Variants in SPPL3 observed in about 807,000 individuals in gnomAD.
SPPL3 encodes signal peptide peptidase like 3, also known as signal peptide peptidase-like 3.
In SPPL3, 5 loss-of-function variants were observed where a neutral mutation model predicts 42.4. The observed-to-expected ratio is 0.12, with a 90% CI of 0.06 to 0.25. The LOEUF (loss-of-function observed/expected upper bound fraction) is 0.25. SPPL3 is among the 10% of genes least tolerant of loss of function. SPPL3 has a pLI of 1.00. For synonymous variants in SPPL3, 195 were observed against 181.8 expected (o/e 1.07, Z -0.58); for missense variants, 235 against 489.0 (o/e 0.48, Z 4.90).
intron 10 of SPPL3, among the ~76,000 whole-genome samples, chr12:120,765,370 C>T (rs546967493): frequency 2.0e-5 from 3 of 152,096 alleles, no homozygotes; most frequent in East Asian, 3.9e-4. Flanking sequence ...TCACTGCAAC[C>T]TCCGACTCCT....
intron 1 of SPPL3, among the ~76,000 whole-genome samples, chr12:120,888,063 A>G (rs1195015662): frequency 6.6e-6 from 1 of 152,210 alleles, no homozygotes; most frequent in Admixed American, 6.5e-5. Flanking sequence ...ACAAATGTTC[A>G]TCGCATAACT....
At chr12:120,897,088 A>G (rs988716620) in intron 1 of SPPL3, among the ~76,000 whole-genome samples, 10 of 152,206 alleles carry the variant, frequency 6.6e-5, no homozygotes, top group Non-Finnish European at 1.0e-4. Context: ...ATGAGAACTA[A>G]TTTATTAATG....
chr12:120,879,144 T>C (rs1198114735), intron 1 of SPPL3, among the ~76,000 whole-genome samples: 1 of 132,026 alleles, frequency 7.6e-6, no homozygotes, highest in Admixed American at 7.7e-5. Flanking sequence ...AAGAATAAGA[T>C]AATAAAACTA....
chr12:120,857,683 T>G (rs1201416348), intron 1 of SPPL3, among the ~76,000 whole-genome samples: 3 of 152,200 alleles, frequency 2.0e-5, no homozygotes, highest in African/African-American at 4.8e-5. Context: ...TGGATGGAGC[T>G]GGAAGCCATC....
In SPPL3 at chr12:120,855,313, A is replaced by C. The variant is rs117351136; in HGVS notation, c.24-44427T>G. 5.9e-5 allele frequency among the ~76,000 whole-genome samples: 9 copies of C among 152,344 alleles called. No homozygotes were observed. The East Asian group carries it at 1.2e-3, about 20-fold the overall frequency. On this transcript the variant is annotated intron_variant, in intron 1 of 10. Transcript: ENST00000353487. ...AGAAACTGACAAATGTATAAAAAAC[A>C]ATTTTTGTCAAGTAAATCATAGGCC...
At chr12:120,829,143 T>C (rs1263550544) in intron 1 of SPPL3, among the ~76,000 whole-genome samples, 2 of 152,186 alleles carry the variant, frequency 1.3e-5, no homozygotes, top group African/African-American at 4.8e-5. Context: ...TCACACTGTA[T>C]GCAAAAACAG....
At chr12:120,894,294 A>T (rs1178966398) in intron 1 of SPPL3, among the ~76,000 whole-genome samples, 1 of 152,254 alleles carries the variant, frequency 6.6e-6, no homozygotes, top group African/African-American at 2.4e-5. Flanking sequence ...ACTGCACTCC[A>T]GCCTGGGCAA....
chr12:120,835,658 T>C (rs531661568), intron 1 of SPPL3: 5 of 152,364 alleles, frequency 3.3e-5, no homozygotes, highest in African/African-American at 1.2e-4. Context: ...AATATCCTTA[T>C]GCCTTCATGT....
At chr12:120,876,346 G>A (rs1040016808) in intron 1 of SPPL3, among the ~76,000 whole-genome samples, 1 of 151,780 alleles carries the variant, frequency 6.6e-6, no homozygotes, top group Non-Finnish European at 1.5e-5. Flanking sequence ...AGGCACAGTG[G>A]CTCACGCCTG....
intron 6 of SPPL3, among the ~76,000 whole-genome samples, chr12:120,772,853 T>C (rs1473094853): frequency 6.6e-6 from 1 of 152,226 alleles, no homozygotes; most frequent in Non-Finnish European, 1.5e-5. Context: ...CTATCATCAC[T>C]GTTATCAAGC....
At chr12:120,770,671 A>G (rs1243506081) in intron 6 of SPPL3, among the ~76,000 whole-genome samples, 1 of 152,032 alleles carries the variant, frequency 6.6e-6, no homozygotes, top group Non-Finnish European at 1.5e-5. Flanking sequence ...TGGCCTTTTC[A>G]GGCTTCTCTG....
chr12:120,829,511 G>A (rs1871329504), intron 1 of SPPL3, among the ~76,000 whole-genome samples: 1 of 152,190 alleles, frequency 6.6e-6, no homozygotes, highest in Admixed American at 6.5e-5. Context: ...CAGGGGAATC[G>A]CTTGGACCTA....
At chr12:120,802,642 C>T (rs1432185220) in intron 2 of SPPL3, among the ~76,000 whole-genome samples, 2 of 151,782 alleles carry the variant, frequency 1.3e-5, no homozygotes, top group Non-Finnish European at 2.9e-5. Context: ...CCATGTTGGC[C>T]AGGCTGGTCT....
At chr12:120,800,610 C>G (rs1055515099) in intron 2 of SPPL3, among the ~76,000 whole-genome samples, 1 of 152,010 alleles carries the variant, frequency 6.6e-6, no homozygotes, top group South Asian at 2.1e-4. Flanking sequence ...TTTACCATCA[C>G]AGAAAAAAAA....
chr12:120,818,140 A>G (rs1354816003), intron 1 of SPPL3, among the ~76,000 whole-genome samples: 1 of 152,158 alleles, frequency 6.6e-6, no homozygotes, highest in Non-Finnish European at 1.5e-5. Context: ...CTGTTCCCAG[A>G]GGCTCTGGGC....
At chr12:120,902,382 A>G (rs1035630085) in intron 1 of SPPL3, among the ~76,000 whole-genome samples, 2 of 152,132 alleles carry the variant, frequency 1.3e-5, no homozygotes, top group African/African-American at 2.4e-5. Context: ...AATCCACTCA[A>G]AGTCTTCTAC....
intron 1 of SPPL3, among the ~76,000 whole-genome samples, chr12:120,890,249 C>CA (rs1873592451): frequency 6.6e-6 from 1 of 150,514 alleles, no homozygotes; most frequent in South Asian, 2.1e-4. Flanking sequence ...AATTCCATCC[C>CA]AAAAAAATAA....
At chr12:120,811,915 T>C (rs11065275) in intron 1 of SPPL3, among the ~76,000 whole-genome samples, 5,487 of 152,146 alleles carry the variant, frequency 0.036, 117 homozygotes, top group South Asian at 0.066. Context: ...AAGAGAAGTA[T>C]AGGGTACTAT....
chr12:120,874,713 G>A (rs1873030612), intron 1 of SPPL3, among the ~76,000 whole-genome samples: 1 of 152,088 alleles, frequency 6.6e-6, no homozygotes, highest in African/African-American at 2.4e-5. Context: ...TGGGATACGA[G>A]AGGGTGTGTG....
Sources: gnomAD v4.1 joint callset for allele counts (sites outside exome capture counted in the v4.1 genomes callset) on GRCh38, gnomAD v4.1.1 for gene constraint, MANE v1.5 for transcripts, NCBI Gene and HGNC (gene_info 2026-07-23, HGNC 2026-07-21) for gene names.